CNST: variants seen among roughly 807,000 people sequenced by gnomAD.
CNST encodes consortin, connexin sorting protein.
Under a neutral mutation model 72.4 loss-of-function variants are expected in CNST, and 39 were observed. The observed-to-expected ratio is 0.54, with a 90% CI of 0.42 to 0.70. The LOEUF (loss-of-function observed/expected upper bound fraction) is 0.70. Among genes scored for constraint, CNST ranks in the 30% least tolerant of loss-of-function variants. The pLI, the probability that CNST is intolerant of heterozygous loss-of-function variation, is 0.00. For synonymous variants in CNST, 332 were observed against 320.1 expected, an observed-to-expected ratio of 1.04 and a Z score of -0.40; for missense variants, 871 against 868.5, an observed-to-expected ratio of 1.00 and a Z score of -0.04.
At chr1:246,594,737 C>G (rs1456603893) in intron 2 of CNST, among the ~76,000 whole-genome samples, 1 of 152,200 alleles carries the variant, frequency 6.6e-6, no homozygotes, top group Non-Finnish European at 1.5e-5. Context: ...CCACTGCACT[C>G]CAGTCTAGGC....
intron 1 of CNST, among the ~76,000 whole-genome samples, chr1:246,589,622 G>C (rs900762708): frequency 9.2e-5 from 14 of 152,120 alleles, no homozygotes; most frequent in African/African-American, 3.4e-4. Flanking sequence ...TCCTTTGGGT[G>C]TATACCCAGT....
intron 2 of CNST, among the ~76,000 whole-genome samples, chr1:246,618,773 T>C (rs1663857017): frequency 6.6e-6 from 1 of 152,208 alleles, no homozygotes; most frequent in Admixed American, 6.5e-5. Flanking sequence ...AAGTAGGTGA[T>C]AAAATGGATC....
intron 2 of CNST, among the ~76,000 whole-genome samples, chr1:246,605,025 T>G (rs891390851): frequency 6.6e-6 from 1 of 152,212 alleles, no homozygotes; most frequent in African/African-American, 2.4e-5. Flanking sequence ...AAACAAAATA[T>G]GTTTATTTTC....
rs1667458197 is a variant in CNST at position 246,668,071 on chromosome 1, G to A, written c.*2166G>A. 1 of 152,142 alleles carries A rather than the reference G, an allele frequency of 6.6e-6. No homozygotes were observed. The highest frequency in any genetic ancestry group is 1.5e-5 in the Non-Finnish European group (1 of 68,020). The allele number at this position is 152,142 out of a possible 1,614,324, so 9.4% of individuals were successfully genotyped here. A position where few individuals can be genotyped will look rare whatever the true frequency, so the allele number is the denominator to read the frequency against. On this transcript the variant is annotated 3_prime_UTR_variant, in exon 11 of 11. Transcript: ENST00000366513. ...GGTGAGGTGAGCTCGGGAACATAAC[G>A]ATGTTTTGACTTACAATAGGCATGA... is the stretch of plus-strand genomic sequence containing the variant.
chr1:246,585,507 CGTA>C (rs1661079965), intron 1 of CNST, among the ~76,000 whole-genome samples: 1 of 151,474 alleles, frequency 6.6e-6, no homozygotes, highest in African/African-American at 2.4e-5. Flanking sequence ...ATTAGCCAGG[CGTA>C]GTGGTGCATG....
chr1:246,588,537 C>A (rs1013002249), intron 1 of CNST, among the ~76,000 whole-genome samples: 9 of 152,142 alleles, frequency 5.9e-5, no homozygotes, highest in African/African-American at 2.2e-4. Flanking sequence ...GCTACTGTGA[C>A]ACTGTCAAGG....
chr1:246,599,899 C>G (rs1414429403), intron 2 of CNST, among the ~76,000 whole-genome samples: 1 of 152,230 alleles, frequency 6.6e-6, no homozygotes, highest in Non-Finnish European at 1.5e-5. Context: ...CACTATAAAA[C>G]TGCTGGTGCA....
At chr1:246,633,444 GTC>G (rs1664908597) in intron 4 of CNST, among the ~76,000 whole-genome samples, 1 of 129,782 alleles carries the variant, frequency 7.7e-6, no homozygotes. Context: ...GGGAGACTGT[GTC>G]TCAAAAAAAA....
intron 1 of CNST, among the ~76,000 whole-genome samples, chr1:246,591,006 A>AT (rs940580987): frequency 7.9e-5 from 12 of 151,708 alleles, no homozygotes; most frequent in Non-Finnish European, 1.6e-4. Flanking sequence ...TTTCTAGGTT[A>AT]TTTTTTTTTA....
intron 8 of CNST, 90 bp downstream of exon 8, chr1:246,642,127 G>C: frequency 2.8e-6 from 1 of 358,564 alleles, no homozygotes; most frequent in Non-Finnish European, 4.5e-6. Context: ...TGCTGCAAAG[G>C]ATCTGGTTTT....
intron 10 of CNST, among the ~76,000 whole-genome samples, chr1:246,665,086 CG>C (rs1558604769): frequency 6.6e-6 from 1 of 152,018 alleles, no homozygotes; most frequent in Non-Finnish European, 1.5e-5. Flanking sequence ...ATAATGCTGT[CG>C]GGGTGGGCAT....
At chr1:246,630,255 G>A (rs1185184839) in intron 3 of CNST, among the ~76,000 whole-genome samples, 2 of 152,132 alleles carry the variant, frequency 1.3e-5, no homozygotes, top group African/African-American at 4.8e-5. Flanking sequence ...GCACACTGCT[G>A]GTTACACCAT....
chr1:246,583,164 G>A (rs1460209154), intron 1 of CNST, among the ~76,000 whole-genome samples: 1 of 152,142 alleles, frequency 6.6e-6, no homozygotes, highest in Non-Finnish European at 1.5e-5. Context: ...ATATTTGGTG[G>A]TTATGAGTGC....
chr1:246,605,465 C>T (rs1226036228), intron 2 of CNST, among the ~76,000 whole-genome samples: 3 of 152,190 alleles, frequency 2.0e-5, no homozygotes, highest in South Asian at 2.1e-4. Flanking sequence ...CAGCACAAGG[C>T]GGTGTGGAGC....
chr1:246,621,735 C>T (rs527914181), intron 3 of CNST, 101 bp downstream of exon 3: 208 of 1,014,988 alleles, frequency 2.0e-4, no homozygotes, highest in Admixed American at 6.2e-4. Flanking sequence ...TGGCTCATGC[C>T]TGTAATCCCA....
chr1:246,571,260 T>C (rs1660052401), intron 1 of CNST, among the ~76,000 whole-genome samples: 2 of 152,202 alleles, frequency 1.3e-5, no homozygotes, highest in African/African-American at 2.4e-5. Flanking sequence ...GTGATTCTCC[T>C]GCCTCAGCCT....
At chr1:246,569,023 C>G (rs1429943026) in intron 1 of CNST, among the ~76,000 whole-genome samples, 1 of 152,180 alleles carries the variant, frequency 6.6e-6, no homozygotes, top group African/African-American at 2.4e-5. Context: ...CATGAGCCAC[C>G]ACACCCAGCC....
chr1:246,648,029 A>G lies in CNST; in HGVS notation c.1828A>G (p.Ile610Val). 6.2e-7 allele frequency: 1 copy of G among 1,604,356 alleles called. No homozygotes were observed. The change falls in exon 9 of 11, where the codon ATT becomes GTT. Residue 610 changes from isoleucine (I) to valine (V), a missense_variant. Ile to Val is a conservative substitution (Grantham distance 29). Transcript: ENST00000366513. ...TGATGATCTTGCCAAAAGGATAGAGATTGCAGAGGTAAATCAGAGATGAAG... is the reference window on the plus strand; with the variant it reads ...TGATGATCTTGCCAAAAGGATAGAGGTTGCAGAGGTAAATCAGAGATGAAG... ...SLDDLAKRIE[I>V]AEVVPTEGLV... is the part of the protein sequence containing the mutation.
intron 2 of CNST, among the ~76,000 whole-genome samples, chr1:246,605,586 G>A (rs909966927): frequency 3.9e-5 from 6 of 152,168 alleles, no homozygotes; most frequent in Non-Finnish European, 7.4e-5. Flanking sequence ...AACAGGAAGT[G>A]TCCCTGTCTG....
Sources: allele counts gnomAD v4.1 joint callset (sites outside exome capture counted in the v4.1 genomes callset), GRCh38; gene constraint gnomAD v4.1.1; transcripts MANE v1.5; gene names NCBI Gene and HGNC (gene_info 2026-07-23, HGNC 2026-07-21).